Variants in NIBAN3 observed in about 807,000 individuals in gnomAD.
NIBAN3 encodes the protein niban apoptosis regulator 3, also known as protein Niban 3.
NIBAN3 carries 66 observed loss-of-function variants against 76.4 expected under a neutral mutation model. The observed-to-expected ratio is 0.86, with a 90% CI of 0.71 to 1.06. The LOEUF is 1.06. Ranked by LOEUF, NIBAN3 falls within the 50% of genes least tolerant of loss-of-function variation. The pLI is 0.00. For synonymous variants in NIBAN3, 360 were observed against 355.2 expected (o/e 1.01, Z -0.15); for missense variants, 808 against 810.7 (o/e 1.00, Z 0.04).
Position 17,542,401 on chromosome 19 carries a change from G to A in NIBAN3, c.1329+107G>A, listed in dbSNP as rs2075971449. 2.4e-6 allele frequency: 3 copies of A among 1,226,204 alleles called. No individual in the cohort carries two copies. Among genetic ancestry groups the A allele is most frequent in the Admixed American group, 2.5e-5 (1 of 40,622 alleles). The allele number at this position is 1,226,204 out of a possible 1,614,324, so 76.0% of individuals were successfully genotyped here. ...ACCACGATGATCGAGACAACTCCGC[G>A]GGGCTGCCAGTCTCATGGGGACATG... is the stretch of plus-strand genomic sequence containing the variant. On this transcript the variant is annotated intron_variant, in intron 10 of 14. Coordinates refer to ENST00000599164, the MANE Select transcript of NIBAN3 (RefSeq NM_001321827.2). The surrounding 1 kb of genome is among the most constrained non-coding windows in gnomAD (Gnocchi z 4.8).
chr19:17,543,673 C>T lies in NIBAN3; in HGVS notation c.1554+42C>T, dbSNP rs1350198291. 5.3e-6 allele frequency: 8 copies of T among 1,506,048 alleles called. No homozygotes were observed. In the Admixed American group the frequency reaches 7.5e-5, roughly 14 times the overall value. The allele number at this position is 1,506,048 out of a possible 1,614,324, so 93.3% of individuals were successfully genotyped here. On this transcript the variant is annotated intron_variant, in intron 12 of 14. Coordinates refer to ENST00000599164, the MANE Select transcript of NIBAN3 (RefSeq NM_001321827.2). ...TGTGCAAGAGGGTCTGACAGCATCA[C>T]CATGCATCCACTTAAAGTGGGCAAG...
In NIBAN3 at chr19:17,551,806, CG is replaced by C. The variant is rs753651356; in HGVS notation, c.1774del (p.Glu592LysfsTer61). 4 of 779,656 alleles carry C rather than the reference CG, an allele frequency of 5.1e-6. No individual in the cohort carries two copies. The highest frequency in any genetic ancestry group is 7.2e-6 in the Non-Finnish European group (3 of 417,104). The allele number at this position is 779,656 out of a possible 1,614,324, so 48.3% of individuals were successfully genotyped here. ...EGADEETEAE[R>X]EGGACPRQPD... ...TACAGATGAGGAAACTGAGGCTGAG[CG>C]GGAAGGAGGGGCTTGTCCCAGGCAG... On this transcript the variant is annotated frameshift_variant, in exon 15 of 15. Coordinates refer to ENST00000599164, the MANE Select transcript of NIBAN3 (RefSeq NM_001321827.2). LOFTEE classifies it low-confidence loss of function (END_TRUNC).
intron 12 of NIBAN3, 158 bp downstream of exon 12, chr19:17,543,789 G>A (rs928961097): frequency 6.9e-6 from 4 of 579,084 alleles, no homozygotes; most frequent in Non-Finnish European, 1.2e-5. Flanking sequence ...TCAGGAGTTC[G>A]AGACTAGCCT....
chr19:17,539,509 TC>T, intron 7 of NIBAN3, 58 bp downstream of exon 7: 1 of 1,457,346 alleles, frequency 6.9e-7, no homozygotes, highest in Non-Finnish European at 9.1e-7. Flanking sequence ...CGGGTTCCCC[TC>T]CCACGACTGT....
chr19:17,537,044 C>A (rs2075836956), intron 4 of NIBAN3, among the ~76,000 whole-genome samples: 1 of 152,156 alleles, frequency 6.6e-6, no homozygotes, highest in Middle Eastern at 3.2e-3. Flanking sequence ...CTCCAAAACC[C>A]CACATAAAGC....
upstream of NIBAN3, among the ~76,000 whole-genome samples, chr19:17,524,419 A>G (rs181670203): frequency 2.3e-3 from 340 of 150,050 alleles, 1 homozygote; most frequent in African/African-American, 7.9e-3. Context: ...CTGAGTAGCT[A>G]GGATTACAGG....
At position 17,537,508 on chromosome 19, in the gene NIBAN3, T is replaced by G; in HGVS notation, c.560T>G (p.Leu187Arg). ...ATREAQHAWR[L>R]ALQGGIRLQG... Reference sequence around the variant, plus strand: ...AGGGAGGCACAGCATGCCTGGAGGCTGGCCCTGCAGGGTGGCATCCGGCTT... The same window carrying G: ...AGGGAGGCACAGCATGCCTGGAGGCGGGCCCTGCAGGGTGGCATCCGGCTT... Residue 187 changes from leucine (L) to arginine (R), a missense_variant, in exon 5 of 15, where the codon CTG becomes CGG. Coordinates refer to ENST00000599164, the MANE Select transcript of NIBAN3 (RefSeq NM_001321827.2). 6.2e-7 allele frequency: 1 copy of G among 1,610,246 alleles called. No homozygotes were observed. Among genetic ancestry groups the G allele is most frequent in the Non-Finnish European group, 8.5e-7 (1 of 1,179,724 alleles).
rs1328722320 is a variant in NIBAN3 at position 17,552,075 on chromosome 19, T to G, written c.*177T>G. ...TGTATTTTCCCCAAGGCTTTCTTTA[T>G]TTTAATTTTTTTTTTTTTTTTGAGA... On this transcript the variant is annotated 3_prime_UTR_variant, in exon 15 of 15. Coordinates refer to ENST00000599164, the MANE Select transcript of NIBAN3 (RefSeq NM_001321827.2). 3 of 400,640 alleles carry G rather than the reference T, an allele frequency of 7.5e-6. No homozygotes were observed. The highest frequency in any genetic ancestry group is 2.2e-5 in the African/African-American group (1 of 44,998). The allele number at this position is 400,640 out of a possible 1,614,324, so 24.8% of individuals were successfully genotyped here.
chr19:17,531,178 T>A (rs1319275710), intron 2 of NIBAN3, among the ~76,000 whole-genome samples: 2 of 146,414 alleles, frequency 1.4e-5, no homozygotes, highest in Non-Finnish European at 2.9e-5. Context: ...AAAAAAAAAT[T>A]TAGCCAGACC....
Position 17,528,671 on chromosome 19 carries a change from C to T in NIBAN3, c.55+1276C>T, listed in dbSNP as rs116821552. Among the ~76,000 whole-genome samples, 778 of 152,178 alleles carry T rather than the reference C, an allele frequency of 5.1e-3. 7 individuals are homozygous for T. The highest frequency in any genetic ancestry group is 0.017 in the African/African-American group (722 of 41,528). Reference sequence around the variant, plus strand: ...GAGCAACTGTGCTGGGCGCTGGGGACATTGTGGGGTTGGTATTGGCCTTAC... The same window carrying T: ...GAGCAACTGTGCTGGGCGCTGGGGATATTGTGGGGTTGGTATTGGCCTTAC... On this transcript the variant is annotated intron_variant, in intron 1 of 14. Transcript: ENST00000599164.
At chr19:17,548,731 G>C (rs1370598890) in intron 13 of NIBAN3, among the ~76,000 whole-genome samples, 1 of 152,104 alleles carries the variant, frequency 6.6e-6, no homozygotes, top group Non-Finnish European at 1.5e-5. Flanking sequence ...TTTGAGACCA[G>C]CTTGGCCAAC....
At chr19:17,536,279 C>T (rs1472791955) in intron 4 of NIBAN3, among the ~76,000 whole-genome samples, 1 of 152,198 alleles carries the variant, frequency 6.6e-6, no homozygotes, top group African/African-American at 2.4e-5. Flanking sequence ...CAACCTCCGC[C>T]TCCCAGGCTC....
chr19:17,541,505 G>A (rs374878153), intron 9 of NIBAN3, among the ~76,000 whole-genome samples: 1 of 152,104 alleles, frequency 6.6e-6, no homozygotes, highest in East Asian at 1.9e-4. Flanking sequence ...CCAGGGCCCA[G>A]CACAGACAGA....
In NIBAN3 at chr19:17,539,359, G is replaced by T; in HGVS notation, c.724G>T (p.Val242Leu). The stretch of plus-strand genomic sequence containing the variant: ...CCCTCTCCTGCAGGTGCTGACCGCG[G>T]TGCTGATGCGGGAGCAACTTCCCGC... ...LGSDAEVLTA[V>L]LMREQLPALR... The change falls in exon 7 of 15, where the codon GTG (valine) becomes TTG (leucine). Residue 242 changes from valine (V) to leucine (L), a missense_variant. Coordinates refer to ENST00000599164, the MANE Select transcript of NIBAN3 (RefSeq NM_001321827.2). 6.5e-7 allele frequency: 1 copy of T among 1,545,510 alleles called. No individual in the cohort carries two copies.
chr19:17,548,797 A>G (rs1026327253), intron 13 of NIBAN3, among the ~76,000 whole-genome samples: 4 of 152,012 alleles, frequency 2.6e-5, no homozygotes, highest in African/African-American at 9.7e-5. Flanking sequence ...ATGGTGGCAC[A>G]TGCCTGTAGT....
chr19:17,538,622 A>G lies in NIBAN3; in HGVS notation c.596-528A>G, dbSNP rs183583259. Among the ~76,000 whole-genome samples the G allele has an allele frequency of 4.8e-3, 721 of 151,616 alleles. 4 individuals are homozygous for G. The highest frequency in any genetic ancestry group is 0.017 in the African/African-American group (682 of 41,240). On this transcript the variant is annotated intron_variant, in intron 5 of 14. Transcript: ENST00000599164. ...TGAGCAACAGAGAGACCCCCTGAGA[A>G]AGAGAGAGAAAAGAAAAGAAAAGAG...
upstream of NIBAN3, chr19:17,523,355 A>C (rs1319338929): frequency 1.4e-5 from 18 of 1,301,946 alleles, no homozygotes; most frequent in Middle Eastern, 1.8e-4. Flanking sequence ...GCAGGGTGAG[A>C]GTGGAGCCGA....
At chr19:17,540,728 G>A in intron 9 of NIBAN3, 146 bp downstream of exon 9, 1 of 558,748 alleles carries the variant, frequency 1.8e-6, no homozygotes, top group Non-Finnish European at 2.8e-6. Context: ...GTGGAGCACA[G>A]TTTTTGTTTG....
At chr19:17,533,868 G>A (rs922550346) in intron 4 of NIBAN3, among the ~76,000 whole-genome samples, 167 bp downstream of exon 4, 2 of 152,128 alleles carry the variant, frequency 1.3e-5, no homozygotes, top group East Asian at 1.9e-4. Context: ...CCCTGGGTGC[G>A]ACAACCACCA....
Sources: allele counts gnomAD v4.1 joint callset (sites outside exome capture counted in the v4.1 genomes callset), GRCh38; gene constraint gnomAD v4.1.1; non-coding constraint Gnocchi (gnomAD v3.1); transcripts MANE v1.5; gene names NCBI Gene and HGNC (gene_info 2026-07-23, HGNC 2026-07-21).